The following RAB3C variants were observed in gnomAD, a reference collection of about 807,000 sequenced individuals.
RAB3C encodes RAB3C, member RAS oncogene family.
In RAB3C, 17 loss-of-function variants were observed where a neutral mutation model predicts 26.4. The observed-to-expected ratio is 0.64, with a 90% confidence interval of 0.44 to 0.97. The LOEUF (loss-of-function observed/expected upper bound fraction) is 0.97. Ranked by LOEUF, RAB3C falls within the 50% of genes least tolerant of loss-of-function variation. The probability of loss-of-function intolerance (pLI) is 0.00; values close to 1 mark genes in which losing one functional copy is unlikely to be tolerated. For missense variants in RAB3C, 242 were observed against 281.9 expected (o/e 0.86, Z 1.01); for synonymous variants, 91 against 95.9 (o/e 0.95, Z 0.30).
intron 2 of RAB3C, among the ~76,000 whole-genome samples, chr5:58,670,635 C>G (rs1748096745): frequency 6.6e-6 from 1 of 152,294 alleles, no homozygotes; most frequent in South Asian, 2.1e-4. Context: ...ATACATTTAT[C>G]ACTTCAAAAT....
chr5:58,592,276 CTTA>C (rs576546154), intron 1 of RAB3C, among the ~76,000 whole-genome samples: 44 of 152,048 alleles, frequency 2.9e-4, no homozygotes, highest in South Asian at 1.4e-3. Flanking sequence ...GCATATTTAA[CTTA>C]TTATACAGTC....
In RAB3C at chr5:58,793,711, T is replaced by C. The variant is rs142647379; in HGVS notation, c.372-31327T>C. ...AAAAGTCTGATTTCTGAACCTTATCTCTGGAGAGACTCACTAAGTCTGGGA... is the reference window on the plus strand; with the variant it reads ...AAAAGTCTGATTTCTGAACCTTATCCCTGGAGAGACTCACTAAGTCTGGGA... On this transcript the variant is annotated intron_variant, in intron 3 of 4. Transcript: ENST00000282878. Among the ~76,000 whole-genome samples the C allele has an allele frequency of 9.5e-3, 1,446 of 152,060 alleles. 19 individuals are homozygous for C. The highest frequency in any genetic ancestry group is 0.024 in the Middle Eastern group (7 of 294).
intron 2 of RAB3C, among the ~76,000 whole-genome samples, chr5:58,651,430 C>T (rs1295430777): frequency 6.6e-6 from 1 of 152,036 alleles, no homozygotes; most frequent in Non-Finnish European, 1.5e-5. Flanking sequence ...ATATTCACTC[C>T]AGGGGGTGCA....
chr5:58,814,278 C>T (rs1203011017), intron 3 of RAB3C, among the ~76,000 whole-genome samples: 1 of 152,176 alleles, frequency 6.6e-6, no homozygotes, highest in East Asian at 1.9e-4. Context: ...CCCACTCCTT[C>T]TCCTTGGAAA....
At chr5:58,792,519 A>T (rs960061326) in intron 3 of RAB3C, among the ~76,000 whole-genome samples, 1 of 152,148 alleles carries the variant, frequency 6.6e-6, no homozygotes, top group Admixed American at 6.5e-5. Flanking sequence ...AATGCAAGGG[A>T]CTAGTACAGT....
At position 58,693,765 on chromosome 5, in the gene RAB3C, G is replaced by A. The variant is rs190678722; in HGVS notation, c.253-32237G>A. 3.3e-3 allele frequency among the ~76,000 whole-genome samples: 500 copies of A among 152,168 alleles called. 4 individuals carry two copies. Among genetic ancestry groups the A allele is most frequent in the Middle Eastern group, 6.8e-3 (2 of 294 alleles). Reference sequence around the variant, plus strand: ...CCTAACCCAGTGACCAGAACATGCAGGGCTCAATAAATGTTTGCCTGATGG... The same window carrying A: ...CCTAACCCAGTGACCAGAACATGCAAGGCTCAATAAATGTTTGCCTGATGG... On this transcript the variant is annotated intron_variant, in intron 2 of 4. Transcript: ENST00000282878.
At chr5:58,689,649 A>C (rs1748520651) in intron 2 of RAB3C, among the ~76,000 whole-genome samples, 1 of 152,076 alleles carries the variant, frequency 6.6e-6, no homozygotes, top group Admixed American at 6.6e-5. Context: ...CCATTTGTCT[A>C]GTGGGAGAGC....
At chr5:58,849,019 A>G (rs1744059251) in intron 4 of RAB3C, among the ~76,000 whole-genome samples, 1 of 152,208 alleles carries the variant, frequency 6.6e-6, no homozygotes, top group South Asian at 2.1e-4. Context: ...TTCTGAGATC[A>G]AAGATAATTT....
intron 3 of RAB3C, among the ~76,000 whole-genome samples, chr5:58,745,440 A>G (rs1355717302): frequency 6.7e-6 from 1 of 150,332 alleles, no homozygotes; most frequent in Admixed American, 6.6e-5. Flanking sequence ...GGGGTATAAT[A>G]AGCCCAAGTA....
At chr5:58,790,810 GA>G (rs1487972877) in intron 3 of RAB3C, among the ~76,000 whole-genome samples, 3 of 151,616 alleles carry the variant, frequency 2.0e-5, no homozygotes, top group African/African-American at 7.3e-5. Flanking sequence ...TTTCCTGAAG[GA>G]AAAAAAATCA....
chr5:58,604,279 G>A (rs1228396194), intron 1 of RAB3C, among the ~76,000 whole-genome samples: 1 of 152,224 alleles, frequency 6.6e-6, no homozygotes, highest in Admixed American at 6.5e-5. Context: ...TTTTGTCCTG[G>A]TTGGCCTTCT....
At chr5:58,666,214 G>A (rs758541031) in intron 2 of RAB3C, among the ~76,000 whole-genome samples, 1 of 152,066 alleles carries the variant, frequency 6.6e-6, no homozygotes, top group Non-Finnish European at 1.5e-5. Context: ...CAGGAAATTG[G>A]CACAACACAA....
intron 2 of RAB3C, among the ~76,000 whole-genome samples, chr5:58,619,617 A>ATT (rs1377233665): frequency 9.9e-5 from 15 of 152,122 alleles, no homozygotes; most frequent in Non-Finnish European, 1.6e-4. Flanking sequence ...TCTTTCTGTC[A>ATT]TAGAGATAAT....
At position 58,615,635 on chromosome 5, in the gene RAB3C, C is replaced by CA. The variant is rs575527317; in HGVS notation, c.25-2002dup. ...GACCTTAGTATGTGGGCTGGTGGGC[C>CA]AAAAAAGAAAGTGATGCTATCTGCC... On this transcript the variant is annotated intron_variant, in intron 1 of 4. Coordinates refer to ENST00000282878, the MANE Select transcript of RAB3C (RefSeq NM_138453.4). Among the ~76,000 whole-genome samples the CA allele has an allele frequency of 3.3e-4, 50 of 152,016 alleles. 1 individual carries two copies. The South Asian group carries it at 1.0e-2, about 30-fold the overall frequency.
intron 3 of RAB3C, among the ~76,000 whole-genome samples, chr5:58,773,402 A>G (rs1231469465): frequency 1.3e-5 from 2 of 152,138 alleles, no homozygotes; most frequent in Non-Finnish European, 2.9e-5. Context: ...ACTCCCCATC[A>G]TAGGACTGCA....
intron 3 of RAB3C, among the ~76,000 whole-genome samples, chr5:58,759,148 G>T (rs292952): frequency 0.22 from 33,261 of 152,136 alleles, 3,796 homozygotes; most frequent in East Asian, 0.31. Context: ...GTACATTTCA[G>T]TGAAGGATAC....
chr5:58,744,615 G>A (rs1741354019), intron 3 of RAB3C, among the ~76,000 whole-genome samples: 1 of 152,156 alleles, frequency 6.6e-6, no homozygotes, highest in African/African-American at 2.4e-5. Flanking sequence ...AAAGAGGCAA[G>A]GCCATAGTTT....
At chr5:58,735,258 T>C (rs1249878551) in intron 3 of RAB3C, among the ~76,000 whole-genome samples, 1 of 152,210 alleles carries the variant, frequency 6.6e-6, no homozygotes, top group African/African-American at 2.4e-5. Context: ...GAGCAGGGCC[T>C]TGTTCAGCCT....
intron 2 of RAB3C, among the ~76,000 whole-genome samples, chr5:58,650,226 T>C (rs549640045): frequency 3.3e-4 from 51 of 152,246 alleles, no homozygotes; most frequent in Middle Eastern, 3.4e-3. Context: ...TTAAATATGA[T>C]ATGAGGGTTT....
Sources: allele counts gnomAD v4.1 joint callset (sites outside exome capture counted in the v4.1 genomes callset), GRCh38; gene constraint gnomAD v4.1.1; transcripts MANE v1.5; gene names NCBI Gene and HGNC (gene_info 2026-07-23, HGNC 2026-07-21).